Variants in FARSA observed in about 807,000 individuals in gnomAD.
FARSA encodes the protein phenylalanine--tRNA ligase alpha subunit.
In FARSA, 37 loss-of-function variants were observed where a neutral mutation model predicts 63.2. The ratio of observed to expected loss-of-function variants is 0.59; its 90% confidence interval spans 0.45 to 0.77. The LOEUF (loss-of-function observed/expected upper bound fraction) is 0.77, where lower values mean the gene tolerates loss of function less well. Among genes scored for constraint, FARSA ranks in the 30% least tolerant of loss-of-function variants. FARSA has a pLI of 0.00. For missense variants in FARSA, 618 were observed against 696.6 expected (o/e 0.89, Z 1.27); for synonymous variants, 312 against 285.1 (o/e 1.09, Z -0.95).
At chr19:12,923,653 T>C (rs756469098) in intron 12 of FARSA, among the ~76,000 whole-genome samples, 1 of 152,218 alleles carries the variant, frequency 6.6e-6, no homozygotes, top group Non-Finnish European at 1.5e-5. Flanking sequence ...CTAATTTTTA[T>C]ATTTTTAGTA....
Position 12,922,724 on chromosome 19 carries a change from T to C in FARSA, c.*24A>G. 1 of 1,612,176 alleles carries C rather than the reference T, an allele frequency of 6.2e-7. No individual in the cohort carries two copies. Among genetic ancestry groups the C allele is most frequent in the Non-Finnish European group, 8.5e-7 (1 of 1,179,874 alleles). Reference sequence around the variant, plus strand: ...CGCAGCAGCAGGGACTCGGGGAGGATGACCTGTCCTAGAGTGGCCCATGTC... The same window carrying C: ...CGCAGCAGCAGGGACTCGGGGAGGACGACCTGTCCTAGAGTGGCCCATGTC... On this transcript the variant is annotated 3_prime_UTR_variant, in exon 13 of 13. Transcript: ENST00000314606.
At chr19:12,929,450 G>T (rs1409796485) in intron 4 of FARSA, among the ~76,000 whole-genome samples, 1 of 152,110 alleles carries the variant, frequency 6.6e-6, no homozygotes, top group African/African-American at 2.4e-5. Context: ...CAGGTGATTT[G>T]CCCGCCTCGG....
At chr19:12,928,729 G>A (rs1412669327) in intron 5 of FARSA, 26 bp downstream of exon 5, 4 of 1,613,920 alleles carry the variant, frequency 2.5e-6, no homozygotes, top group Non-Finnish European at 3.4e-6. Flanking sequence ...GCTCCCACCT[G>A]CCCTGACCCT....
Position 12,924,838 on chromosome 19 carries a change from A to G in FARSA, c.1027-31T>C. 6.2e-7 allele frequency: 1 copy of G among 1,613,086 alleles called. No individual in the cohort carries two copies. The highest frequency in any genetic ancestry group is 8.5e-7 in the Non-Finnish European group (1 of 1,179,278). On this transcript the variant is annotated intron_variant, in intron 9 of 12. Coordinates refer to ENST00000314606, the MANE Select transcript of FARSA (RefSeq NM_004461.3). The surrounding 1 kb of genome is among the most constrained non-coding windows in gnomAD (Gnocchi z 6.4). Reference sequence around the variant, plus strand: ...GGTGACAACCGAGCCAGGCCCAGGTATGGGTCAGAAGGTCCCTTTGACAGC... The same window carrying G: ...GGTGACAACCGAGCCAGGCCCAGGTGTGGGTCAGAAGGTCCCTTTGACAGC...
In FARSA at chr19:12,924,746, T is replaced by C. The variant is rs1971306434; in HGVS notation, c.1088A>G (p.Asp363Gly). The change falls in exon 10 of 13, where the codon GAC becomes GGC. Residue 363 changes from aspartate (D) to glycine (G), a missense_variant. By Grantham distance (94) the Asp-to-Gly change is moderately conservative. Coordinates refer to ENST00000314606, the MANE Select transcript of FARSA (RefSeq NM_004461.3). The surrounding 1 kb of genome is among the most constrained non-coding windows in gnomAD (Gnocchi z 6.4). ...GTGGAACTCAGCCAGGTGCGTGGCG[T>C]CCAGGGTCTCATTCCGGAATACGCG... is the stretch of plus-strand genomic sequence containing the variant. Reference protein sequence around the residue: ...IDRVFRNETLDATHLAEFHQI... With the variant: ...IDRVFRNETLGATHLAEFHQI... The C allele has an allele frequency of 6.2e-7, 1 of 1,601,164 alleles. No homozygotes were observed. Among genetic ancestry groups the C allele is most frequent in the Non-Finnish European group, 8.5e-7 (1 of 1,171,236 alleles).
intron 2 of FARSA, 30 bp from the exon 3 acceptor site, chr19:12,930,557 C>T (rs1252840361): frequency 6.2e-7 from 1 of 1,609,390 alleles, no homozygotes. Context: ...GTGAGTGGGG[C>T]ACGAGGGCCA....
chr19:12,928,023 CAAAA>C (rs34586259), intron 7 of FARSA, among the ~76,000 whole-genome samples: 82 of 73,398 alleles, frequency 1.1e-3, no homozygotes, highest in African/African-American at 3.7e-3. Context: ...GACCCTGTCT[CAAAA>C]AAAAAAAAAA....
intron 7 of FARSA, among the ~76,000 whole-genome samples, chr19:12,928,047 A>AG (rs1971347356): frequency 6.7e-6 from 1 of 150,180 alleles, no homozygotes; most frequent in African/African-American, 2.5e-5. Context: ...AAAAAAAAAA[A>AG]GACTGCAGGT....
chr19:12,928,643 G>T lies in FARSA; in HGVS notation c.617C>A (p.Pro206His). ...MISSGSWRDRPFKPYNFLAHG... is the reference protein window; with the variant it reads ...MISSGSWRDRHFKPYNFLAHG... ...GGCCAAGAAGTTGTAGGGCTTGAAG[G>T]GCCGGTCCCGCCAAGAGCCACTGGG... Residue 206 changes from proline to histidine, a missense_variant, in exon 6 of 13, where the codon CCC becomes CAC. Transcript: ENST00000314606. 6.2e-7 allele frequency: 1 copy of T among 1,611,074 alleles called. No homozygotes were observed. The highest frequency in any genetic ancestry group is 8.5e-7 in the Non-Finnish European group (1 of 1,178,608).
intron 7 of FARSA, 128 bp from the exon 8 acceptor site, chr19:12,925,302 G>A: frequency 7.1e-6 from 5 of 700,252 alleles, no homozygotes; most frequent in East Asian, 2.7e-5. Flanking sequence ...TGCAACCTCT[G>A]CCTCCCAGGT....
At chr19:12,928,684 C>T in intron 5 of FARSA, 21 bp from the exon 6 acceptor site, 1 of 1,613,542 alleles carries the variant, frequency 6.2e-7, no homozygotes, top group Non-Finnish European at 8.5e-7. Context: ...ATGCAAGGGC[C>T]TGGTAAGGGC....
Position 12,922,902 on chromosome 19 carries a change from A to G in FARSA, c.1389-16T>C, listed in dbSNP as rs1455382601. 3.1e-6 allele frequency: 5 copies of G among 1,613,852 alleles called. No homozygotes were observed. In the Admixed American group the frequency reaches 8.3e-5, roughly 27 times the overall value. On this transcript the variant is annotated splice_polypyrimidine_tract_variant and intron_variant, in intron 12 of 12. Transcript: ENST00000314606. ...CATCGTTGGGCTTGTGGGGGAGGGA[A>G]CAGAGTTTATCATGAGGTCAGCACG...
At position 12,924,277 on chromosome 19, in the gene FARSA, G is replaced by T; in HGVS notation, c.1274-12C>A. On this transcript the variant is annotated splice_polypyrimidine_tract_variant and intron_variant, in intron 11 of 12. Coordinates refer to ENST00000314606, the MANE Select transcript of FARSA (RefSeq NM_004461.3). This position sits in a 1 kb window ranked among gnomAD's most constrained non-coding sequence, Gnocchi z 6.4. Reference sequence around the variant, plus strand: ...CCACTTCTTCAGGCCTGCAGAGGCAGGACAGAAAAGACGGGCAGTGCGTGT... The same window carrying T: ...CCACTTCTTCAGGCCTGCAGAGGCATGACAGAAAAGACGGGCAGTGCGTGT... The T allele has an allele frequency of 6.2e-7, 1 of 1,610,750 alleles. No individual in the cohort carries two copies. The highest frequency in any genetic ancestry group is 8.5e-7 in the Non-Finnish European group (1 of 1,177,040).
chr19:12,924,083 G>A lies in FARSA; in HGVS notation c.1388+68C>T, dbSNP rs554376231. On this transcript the variant is annotated intron_variant, in intron 12 of 12. Transcript: ENST00000314606. The surrounding 1 kb of genome is among the most constrained non-coding windows in gnomAD (Gnocchi z 6.4). ...AATGAATGGGTGGTGCTGAAACCAC[G>A]CAGGCCCCTATACCTGGAGAGTTAT... is the stretch of plus-strand genomic sequence containing the variant. The A allele has an allele frequency of 3.3e-4, 410 of 1,237,002 alleles. No homozygotes were observed. The highest frequency in any genetic ancestry group is 4.4e-4 in the Non-Finnish European group (367 of 837,650). The allele number at this position is 1,237,002 out of a possible 1,614,324, so 76.6% of individuals were successfully genotyped here. A position where few individuals can be genotyped will look rare whatever the true frequency, so the allele number is the denominator to read the frequency against.
rs559113150 is a variant in FARSA at position 12,931,470 on chromosome 19, G to T, written c.148-721C>A. 2.9e-3 allele frequency among the ~76,000 whole-genome samples: 444 copies of T among 152,212 alleles called. 3 individuals are homozygous for T. Among genetic ancestry groups the T allele is most frequent in the Non-Finnish European group, 5.3e-3 (362 of 68,012 alleles). ...GTAGAGATGGGGTTTCACCATGTTG[G>T]CCAGGCTGGTCTCAAACTCCTGACC... On this transcript the variant is annotated intron_variant, in intron 1 of 12. Coordinates refer to ENST00000314606, the MANE Select transcript of FARSA (RefSeq NM_004461.3).
intron 1 of FARSA, chr19:12,933,219 C>A (rs767380187): frequency 3.1e-5 from 10 of 323,970 alleles, no homozygotes; most frequent in Non-Finnish European, 5.8e-5. Flanking sequence ...GCTGTCACAG[C>A]TGGGTCCCCT....
intron 5 of FARSA, 37 bp from the exon 6 acceptor site, chr19:12,928,700 G>T (rs371053750): frequency 6.2e-7 from 1 of 1,611,230 alleles, no homozygotes; most frequent in South Asian, 1.1e-5. Flanking sequence ...AGGGCTGCCC[G>T]CCCCTGCCCC....
chr19:12,933,342 C>T lies in FARSA; in HGVS notation c.147+208G>A, dbSNP rs148373997. 1.2e-5 allele frequency: 7 copies of T among 585,758 alleles called. 1 individual carries two copies. In the South Asian group the frequency reaches 1.5e-4, roughly 13 times the overall value. 36.3% of individuals were successfully genotyped at this position (585,758 alleles called of 1,614,324 possible). A position where few individuals can be genotyped will look rare whatever the true frequency, so the allele number is the denominator to read the frequency against. ...CATCGTACCCTCTACCCACGCTGAC[C>T]GTGCCTCAATAAACGTTTATTGCAT... On this transcript the variant is annotated intron_variant, in intron 1 of 12. Transcript: ENST00000314606.
At chr19:12,930,862 A>G in intron 1 of FARSA, 113 bp from the exon 2 acceptor site, 1 of 1,249,422 alleles carries the variant, frequency 8.0e-7, no homozygotes, top group Non-Finnish European at 1.1e-6. Context: ...AGCTAGGTTC[A>G]CATCCCAGCT....
Sources: gnomAD v4.1 joint callset for allele counts (sites outside exome capture counted in the v4.1 genomes callset) on GRCh38, gnomAD v4.1.1 for gene constraint, Gnocchi (gnomAD v3.1) non-coding constraint, MANE v1.5 for transcripts, NCBI Gene and HGNC (gene_info 2026-07-23, HGNC 2026-07-21) for gene names.